The following ADAM10 variants were observed in gnomAD, a reference collection of about 807,000 sequenced individuals.
ADAM10 encodes the protein disintegrin and metalloproteinase domain-containing protein 10.
In ADAM10, 17 loss-of-function variants were observed where a neutral mutation model predicts 90.1. That is an observed-to-expected ratio of 0.19 (90% CI 0.13 to 0.28). ADAM10 has a LOEUF of 0.28. ADAM10 is among the 10% of genes least tolerant of loss of function. The pLI, the probability that ADAM10 is intolerant of heterozygous loss-of-function variation, is 1.00. For missense variants in ADAM10, 610 were observed against 914.3 expected (o/e 0.67, Z 4.29); for synonymous variants, 310 against 298.6 (o/e 1.04, Z -0.40).
At chr15:58,685,383 C>T (rs532121749) in intron 2 of ADAM10, among the ~76,000 whole-genome samples, 73 of 150,978 alleles carry the variant, frequency 4.8e-4, no homozygotes, top group Admixed American at 1.3e-3. Context: ...ATGGCGTGAA[C>T]CCGGGGGAGG....
At chr15:58,612,848 G>A (rs1320028303) in intron 11 of ADAM10, among the ~76,000 whole-genome samples, 2 of 152,196 alleles carry the variant, frequency 1.3e-5, no homozygotes, top group East Asian at 3.8e-4. Flanking sequence ...ACAGATCCTG[G>A]TGCTATAGGC....
At chr15:58,735,387 C>T (rs1343600137) in intron 1 of ADAM10, among the ~76,000 whole-genome samples, 3 of 152,154 alleles carry the variant, frequency 2.0e-5, no homozygotes, top group Admixed American at 6.5e-5. Flanking sequence ...CTAATTTTAT[C>T]CCTCCTGATA....
chr15:58,745,340 A>T (rs555779433), intron 1 of ADAM10, among the ~76,000 whole-genome samples: 2 of 152,318 alleles, frequency 1.3e-5, no homozygotes, highest in South Asian at 4.1e-4. Flanking sequence ...TTATGTTTGT[A>T]TCCTATTCTT....
intron 8 of ADAM10, among the ~76,000 whole-genome samples, chr15:58,638,838 C>T (rs1048476862): frequency 1.3e-5 from 2 of 152,036 alleles, no homozygotes; most frequent in Non-Finnish European, 2.9e-5. Flanking sequence ...AAATATACCT[C>T]ATCAGTACTC....
chr15:58,655,813 C>G (rs1296875677), intron 5 of ADAM10, among the ~76,000 whole-genome samples: 1 of 131,574 alleles, frequency 7.6e-6, no homozygotes, highest in Non-Finnish European at 1.6e-5. Flanking sequence ...GTGGCCGGAT[C>G]TCAGCTCACT....
At chr15:58,611,198 G>A (rs1413359968) in intron 12 of ADAM10, 91 bp from the exon 13 acceptor site, 5 of 883,992 alleles carry the variant, frequency 5.7e-6, no homozygotes, top group Non-Finnish European at 9.4e-6. Context: ...AGCTTCCAAT[G>A]TCAAAATATT....
At chr15:58,709,529 A>C (rs1215513551) in intron 2 of ADAM10, among the ~76,000 whole-genome samples, 11 of 152,210 alleles carry the variant, frequency 7.2e-5, no homozygotes, top group South Asian at 4.1e-4. Flanking sequence ...ATCTGAGGTC[A>C]GGAGTTCGAG....
chr15:58,632,926 G>T (rs969977821), intron 9 of ADAM10, among the ~76,000 whole-genome samples: 1 of 152,128 alleles, frequency 6.6e-6, no homozygotes, highest in East Asian at 1.9e-4. Context: ...TTGTTCTAGG[G>T]CCAGGAGATA....
chr15:58,621,595 C>T lies in ADAM10; in HGVS notation c.1387G>A (p.Gly463Arg), dbSNP rs780466042. 1 of 1,614,078 alleles carries T rather than the reference C, an allele frequency of 6.2e-7. No individual in the cohort carries two copies. The highest frequency in any genetic ancestry group is 1.1e-5 in the South Asian group (1 of 91,080). The change falls in exon 11 of 16, where the codon GGA becomes AGA. Residue 463 changes from glycine (G) to arginine (R), a missense_variant. Physicochemically the swap from Gly to Arg is moderately radical, Grantham distance 125. Coordinates refer to ENST00000260408, the MANE Select transcript of ADAM10 (RefSeq NM_001110.4). ...CATTCTTCACCTTGTTCTACCATTC[C>T]ATTTCCACAAATAGGTTGGCCAGAT... ...VESGQPICGN[G>R]MVEQGEECDC...
chr15:58,673,703 A>G (rs528094185), intron 4 of ADAM10, among the ~76,000 whole-genome samples: 1 of 152,000 alleles, frequency 6.6e-6, no homozygotes, highest in East Asian at 1.9e-4. Flanking sequence ...AGATTCTGCT[A>G]AAAAGAATTA....
chr15:58,627,647 T>G (rs978766311), intron 10 of ADAM10, 53 bp downstream of exon 10: 2 of 1,520,300 alleles, frequency 1.3e-6, no homozygotes, highest in Non-Finnish European at 9.1e-7. Flanking sequence ...TTCTTTCAAG[T>G]TGTCTGAATG....
chr15:58,610,663 G>A, intron 13 of ADAM10, 146 bp from the exon 14 acceptor site: 1 of 795,580 alleles, frequency 1.3e-6, no homozygotes, highest in Non-Finnish European at 2.1e-6. Context: ...AGTTAGGCTG[G>A]GTAACGCCAT....
chr15:58,715,651 CTAAG>C (rs1898634569), intron 2 of ADAM10, among the ~76,000 whole-genome samples: 1 of 152,172 alleles, frequency 6.6e-6, no homozygotes, highest in Non-Finnish European at 1.5e-5. Flanking sequence ...ACAGTCTATA[CTAAG>C]TAACTTTTCA....
At chr15:58,731,349 T>C (rs1189360410) in intron 1 of ADAM10, among the ~76,000 whole-genome samples, 2 of 152,136 alleles carry the variant, frequency 1.3e-5, no homozygotes, top group Non-Finnish European at 2.9e-5. Context: ...CCAGGTGCAG[T>C]GGCTCACACC....
rs1195244295 is a variant in ADAM10 at position 58,596,745 on chromosome 15, C to A, written c.*802G>T. The stretch of plus-strand genomic sequence containing the variant: ...AAACCAGACATCTACATCATGAACT[C>A]TGAAGTAGTATGTGCTGCTATGTCC... On this transcript the variant is annotated 3_prime_UTR_variant, in exon 16 of 16. Coordinates refer to ENST00000260408, the MANE Select transcript of ADAM10 (RefSeq NM_001110.4). 6.6e-6 allele frequency: 1 copy of A among 152,192 alleles called. No homozygotes were observed. Among genetic ancestry groups the A allele is most frequent in the African/African-American group, 2.4e-5 (1 of 41,428 alleles). The allele number at this position is 152,192 out of a possible 1,614,324, so 9.4% of individuals were successfully genotyped here. A position where few individuals can be genotyped will look rare whatever the true frequency, so the allele number is the denominator to read the frequency against.
At chr15:58,660,184 CTTT>C (rs377251262) in intron 5 of ADAM10, among the ~76,000 whole-genome samples, 27 of 151,874 alleles carry the variant, frequency 1.8e-4, no homozygotes, top group African/African-American at 6.0e-4. Flanking sequence ...ATTTTCTTTT[CTTT>C]TTTTTCTTTT....
chr15:58,640,338 C>T (rs1344884391), intron 8 of ADAM10, among the ~76,000 whole-genome samples: 1 of 152,122 alleles, frequency 6.6e-6, no homozygotes, highest in Non-Finnish European at 1.5e-5. Context: ...TTACCTGCCA[C>T]TCTTGATGAG....
At position 58,632,521 on chromosome 15, in the gene ADAM10, C is replaced by G. The variant is rs1896130768; in HGVS notation, c.1176+675G>C. ...TAACAAATTGTAAAAGCAACAAAGA[C>G]TGTACAACAGAAACCAAACACTGCC... On this transcript the variant is annotated intron_variant, in intron 9 of 15. Coordinates refer to ENST00000260408, the MANE Select transcript of ADAM10 (RefSeq NM_001110.4). 2.0e-5 allele frequency among the ~76,000 whole-genome samples: 3 copies of G among 152,180 alleles called. No individual in the cohort carries two copies. The South Asian group carries it at 6.2e-4, about 31-fold the overall frequency.
At chr15:58,744,893 G>C (rs1899739855) in intron 1 of ADAM10, among the ~76,000 whole-genome samples, 1 of 152,058 alleles carries the variant, frequency 6.6e-6, no homozygotes, top group African/African-American at 2.4e-5. Context: ...ATTTACAATT[G>C]TATTCCCAGC....
Sources: gnomAD v4.1 joint callset for allele counts (sites outside exome capture counted in the v4.1 genomes callset) on GRCh38, gnomAD v4.1.1 for gene constraint, MANE v1.5 for transcripts, NCBI Gene and HGNC (gene_info 2026-07-23, HGNC 2026-07-21) for gene names.